The following KLF9 variants were observed in gnomAD, a reference collection of about 807,000 sequenced individuals.
KLF9 encodes Krueppel-like factor 9.
KLF9 carries 2 observed loss-of-function variants against 17.3 expected under a neutral mutation model. The ratio of observed to expected loss-of-function variants is 0.12; its 90% CI spans 0.05 to 0.36. The LOEUF (loss-of-function observed/expected upper bound fraction) is 0.36, where lower values mean the gene tolerates loss of function less well. Ranked by LOEUF, KLF9 falls within the 10% of genes least tolerant of loss-of-function variation. The pLI is 1.00. For synonymous variants in KLF9, 138 were observed against 139.2 expected (o/e 0.99, Z 0.06); for missense variants, 226 against 333.2 (o/e 0.68, Z 2.51).
chr9:70,412,971 C>G lies in KLF9; in HGVS notation c.393G>C (p.Val131=), dbSNP rs528498183. The stretch of plus-strand genomic sequence containing the variant: ...CGGAGGCGTGTTTCCCCTTCGCAGC[C>G]ACTCCAGGATGGAGGAGGGAGAGCG... ...PSPLSLLHPG[V]AAKGKHASEK... The change falls in exon 1 of 2, where the codon GTG becomes GTC. Residue 131 remains valine, a synonymous_variant. Coordinates refer to ENST00000377126, the MANE Select transcript of KLF9 (RefSeq NM_001206.4). 5.0e-6 allele frequency: 8 copies of G among 1,614,056 alleles called. No homozygotes were observed. The Admixed American group carries it at 6.7e-5, about 13-fold the overall frequency.
rs748594363 is a variant in KLF9 at position 70,413,025 on chromosome 9, C to G, written c.339G>C (p.Glu113Asp). 3.7e-6 allele frequency: 6 copies of G among 1,614,132 alleles called. No individual in the cohort carries two copies. The highest frequency in any genetic ancestry group is 4.2e-6 in the Non-Finnish European group (5 of 1,179,998). Residue 113 changes from glutamate (E) to aspartate (D), a missense_variant, in exon 1 of 2, where the codon GAG (glutamate) becomes GAC (aspartate). Coordinates refer to ENST00000377126, the MANE Select transcript of KLF9 (RefSeq NM_001206.4). This position sits in a 1 kb window ranked among gnomAD's most constrained non-coding sequence, Gnocchi z 5.6. Reference protein sequence around the residue: ...SGSSPSHSPEERQDPGSAPSP... With the variant: ...SGSSPSHSPEDRQDPGSAPSP... The stretch of plus-strand genomic sequence containing the variant: ...TGGGCGCGCTGCCAGGATCCTGTCT[C>G]TCCTCCGGGCTGTGGGAAGGACTCG...
At chr9:70,407,887 T>C (rs1461271896) in intron 1 of KLF9, among the ~76,000 whole-genome samples, 2 of 152,228 alleles carry the variant, frequency 1.3e-5, no homozygotes, top group African/African-American at 4.8e-5. Context: ...GCCTTTTGCA[T>C]AGATTGTTAT....
At chr9:70,408,138 C>T (rs184940822) in intron 1 of KLF9, among the ~76,000 whole-genome samples, 1 of 152,210 alleles carries the variant, frequency 6.6e-6, no homozygotes, top group Non-Finnish European at 1.5e-5. Flanking sequence ...CTTTGTGAGG[C>T]CGAGGTGAGC....
intron 1 of KLF9, among the ~76,000 whole-genome samples, chr9:70,395,118 C>A (rs970007191): frequency 7.2e-5 from 11 of 152,116 alleles, no homozygotes; most frequent in African/African-American, 1.9e-4. Context: ...AGTGAGATAG[C>A]AGCACAGGAA....
intron 1 of KLF9, among the ~76,000 whole-genome samples, chr9:70,409,144 G>GTA (rs1176288303): frequency 3.6e-5 from 2 of 55,448 alleles, no homozygotes; most frequent in East Asian, 3.5e-4. Context: ...ACATATATAT[G>GTA]TATATGTATA....
Position 70,411,584 on chromosome 9 carries a change from C to T in KLF9, c.505+1275G>A, listed in dbSNP as rs1354452746. ...CAGCCACCTCCACAAGAACAAGTTT[C>T]CAAAGGAAATGGAATGAGAAGCAGT... On this transcript the variant is annotated intron_variant, in intron 1 of 1. Transcript: ENST00000377126. Among the ~76,000 whole-genome samples the T allele has an allele frequency of 2.0e-5, 3 of 152,246 alleles. 1 individual carries two copies. In the East Asian group the frequency reaches 5.8e-4, roughly 29 times the overall value.
chr9:70,403,095 A>T (rs2037234703), intron 1 of KLF9, among the ~76,000 whole-genome samples: 1 of 152,176 alleles, frequency 6.6e-6, no homozygotes, highest in Admixed American at 6.5e-5. Context: ...GGTTGCAGTG[A>T]GCCGAGATTG....
chr9:70,406,299 A>G (rs1056108842), intron 1 of KLF9, among the ~76,000 whole-genome samples: 1 of 152,136 alleles, frequency 6.6e-6, no homozygotes, highest in Non-Finnish European at 1.5e-5. Flanking sequence ...CAGTATGACC[A>G]CTCACATGCT....
intron 1 of KLF9, among the ~76,000 whole-genome samples, chr9:70,390,420 A>G (rs2037146297): frequency 6.6e-6 from 1 of 152,212 alleles, no homozygotes; most frequent in Non-Finnish European, 1.5e-5. Context: ...TTTCCCGTGA[A>G]AAACTCAATA....
At chr9:70,398,627 T>A (rs979989876) in intron 1 of KLF9, among the ~76,000 whole-genome samples, 1 of 151,868 alleles carries the variant, frequency 6.6e-6, no homozygotes, top group African/African-American at 2.4e-5. Context: ...TAGCTGGGAT[T>A]ACAACAGGCA....
intron 1 of KLF9, among the ~76,000 whole-genome samples, chr9:70,398,996 C>G (rs2037202298): frequency 6.6e-6 from 1 of 152,038 alleles, no homozygotes; most frequent in Non-Finnish European, 1.5e-5. Flanking sequence ...CCACACCCAA[C>G]TAATTTTGTT....
chr9:70,408,649 T>A (rs1564088991), intron 1 of KLF9, among the ~76,000 whole-genome samples: 1 of 152,126 alleles, frequency 6.6e-6, no homozygotes, highest in South Asian at 2.1e-4. Context: ...ATACCTCCGA[T>A]GACATCAGAC....
chr9:70,413,386 G>T lies in KLF9; in HGVS notation c.-23C>A, dbSNP rs2037343042. On this transcript the variant is annotated 5_prime_UTR_variant, in exon 1 of 2. Coordinates refer to ENST00000377126, the MANE Select transcript of KLF9 (RefSeq NM_001206.4). This position sits in a 1 kb window ranked among gnomAD's most constrained non-coding sequence, Gnocchi z 5.6. ...CATGGTGCGGGCGACGGCAGCCCAG[G>T]CGGCGCGGACAAACTTGGCGGTGGC... 6.8e-7 allele frequency: 1 copy of T among 1,473,428 alleles called. No individual in the cohort carries two copies. The highest frequency in any genetic ancestry group is 1.3e-5 in the South Asian group (1 of 74,930). 91.3% of individuals were successfully genotyped at this position (1,473,428 alleles called of 1,614,324 possible). A position where few individuals can be genotyped will look rare whatever the true frequency, so the allele number is the denominator to read the frequency against.
At position 70,399,361 on chromosome 9, in the gene KLF9, T is replaced by G. The variant is rs180756480; in HGVS notation, c.506-11356A>C. 7.8e-4 allele frequency among the ~76,000 whole-genome samples: 119 copies of G among 152,264 alleles called. 2 individuals are homozygous for G. The highest frequency in any genetic ancestry group is 2.2e-3 in the Admixed American group (33 of 15,286). On this transcript the variant is annotated intron_variant, in intron 1 of 1. Coordinates refer to ENST00000377126, the MANE Select transcript of KLF9 (RefSeq NM_001206.4). ...ATGATGCAACCTCCCCACAACCACA[T>G]AGCTAGCCCTTCAAAGACCAGACCC...
intron 1 of KLF9, among the ~76,000 whole-genome samples, chr9:70,396,293 C>A (rs552729839): frequency 9.3e-4 from 142 of 152,246 alleles, no homozygotes; most frequent in African/African-American, 3.3e-3. Flanking sequence ...AAGGTGGTAA[C>A]TTAAATGCTC....
At chr9:70,396,421 C>A (rs1587739763) in intron 1 of KLF9, among the ~76,000 whole-genome samples, 2 of 152,106 alleles carry the variant, frequency 1.3e-5, no homozygotes, top group East Asian at 3.9e-4. Context: ...CCATACACTG[C>A]TAACTGAGAA....
At chr9:70,401,503 T>C (rs761128389) in intron 1 of KLF9, among the ~76,000 whole-genome samples, 4 of 151,706 alleles carry the variant, frequency 2.6e-5, no homozygotes, top group Non-Finnish European at 5.9e-5. Flanking sequence ...CTGGCCAACA[T>C]GGTGAAACCC....
rs919672980 is a variant in KLF9 at position 70,384,708 on chromosome 9, A to G, written c.*3068T>C. Reference sequence around the variant, plus strand: ...TTCATTTGATTTACAAAAACGGGACAGCAAAATAACTTAGGTCACTAATAC... The same window carrying G: ...TTCATTTGATTTACAAAAACGGGACGGCAAAATAACTTAGGTCACTAATAC... On this transcript the variant is annotated 3_prime_UTR_variant, in exon 2 of 2. Transcript: ENST00000377126. 6.5e-6 allele frequency: 1 copy of G among 152,690 alleles called. No homozygotes were observed. The highest frequency in any genetic ancestry group is 1.5e-5 in the Non-Finnish European group (1 of 68,042). 9.5% of individuals were successfully genotyped at this position (152,690 alleles called of 1,614,324 possible). A position where few individuals can be genotyped will look rare whatever the true frequency, so the allele number is the denominator to read the frequency against.
chr9:70,404,744 G>A (rs1446345234), intron 1 of KLF9, among the ~76,000 whole-genome samples: 1 of 152,146 alleles, frequency 6.6e-6, no homozygotes, highest in Admixed American at 6.5e-5. Context: ...TTATAATGGT[G>A]TGCTAAATGA....
Sources: gnomAD v4.1 joint callset for allele counts (sites outside exome capture counted in the v4.1 genomes callset) on GRCh38, gnomAD v4.1.1 for gene constraint, Gnocchi (gnomAD v3.1) non-coding constraint, MANE v1.5 for transcripts, NCBI Gene and HGNC (gene_info 2026-07-23, HGNC 2026-07-21) for gene names.